Variants in C19orf44 observed in about 807,000 individuals in gnomAD.
The protein encoded by C19orf44 is chromosome 19 open reading frame 44, also known as uncharacterized protein C19orf44.
C19orf44 carries 43 observed loss-of-function variants against 50.7 expected under a neutral mutation model. The ratio of observed to expected loss-of-function variants is 0.85; its 90% CI spans 0.66 to 1.09. The LOEUF (loss-of-function observed/expected upper bound fraction) is 1.09. C19orf44 is among the 50% of genes least tolerant of loss of function. The pLI is 0.00. For synonymous variants in C19orf44, 298 were observed against 334.7 expected (o/e 0.89, Z 1.20); for missense variants, 722 against 836.2 (o/e 0.86, Z 1.68).
In C19orf44 at chr19:16,521,039, C is replaced by T. The variant is rs1356903123; in HGVS notation, c.*986C>T. The T allele has an allele frequency of 3.8e-6, 3 of 798,786 alleles. No individual in the cohort carries two copies. In the African/African-American group the frequency reaches 5.1e-5, roughly 13 times the overall value. The allele number at this position is 798,786 out of a possible 1,614,324, so 49.5% of individuals were successfully genotyped here. On this transcript the variant is annotated 3_prime_UTR_variant, in exon 9 of 9. Coordinates refer to ENST00000221671, the MANE Select transcript of C19orf44 (RefSeq NM_032207.4). ...TGGCCCTGTGGCTGTGGGCTCCGAG[C>T]ATGGGCGCAGTAGAGCTTGGTTCAG...
rs753507054 is a variant in C19orf44, at chr19:16,506,792, A to G, written c.1149+18A>G. ...AACAGGAAGTAAGTACAACAAAGTC[A>G]TTTTTCATGGTCGATTGTTTTTGGC... On this transcript the variant is annotated intron_variant, in intron 4 of 8. Transcript: ENST00000221671. 6.4e-6 allele frequency: 10 copies of G among 1,551,858 alleles called. No individual in the cohort carries two copies. The highest frequency in any genetic ancestry group is 8.8e-6 in the Non-Finnish European group (10 of 1,141,812).
At chr19:16,502,450 A>T (rs902578422) in intron 2 of C19orf44, among the ~76,000 whole-genome samples, 1 of 151,166 alleles carries the variant, frequency 6.6e-6, no homozygotes, top group African/African-American at 2.4e-5. Context: ...GTTGGCCGTG[A>T]TGGTCTCGAT....
At chr19:16,518,769 G>A (rs899424653) in intron 8 of C19orf44, 3 of 240,656 alleles carry the variant, frequency 1.2e-5, no homozygotes, top group African/African-American at 7.1e-5. Flanking sequence ...TCTGGCTCAG[G>A]CCAACCCTTC....
At position 16,521,004 on chromosome 19, in the gene C19orf44, G is replaced by T. The variant is rs2085609059; in HGVS notation, c.*951G>T. 1.8e-6 allele frequency: 2 copies of T among 1,104,318 alleles called. No individual in the cohort carries two copies. The highest frequency in any genetic ancestry group is 2.0e-4 in the Middle Eastern group (1 of 5,118). The allele number at this position is 1,104,318 out of a possible 1,614,324, so 68.4% of individuals were successfully genotyped here. On this transcript the variant is annotated 3_prime_UTR_variant, in exon 9 of 9. Transcript: ENST00000221671. The stretch of plus-strand genomic sequence containing the variant: ...ATCAGGAGTTAATCCACAGAACCTT[G>T]GAGAGTACATGGCCCTGTGGCTGTG...
Position 16,519,794 on chromosome 19 carries a change from C to T in C19orf44, c.*41-300C>T, listed in dbSNP as rs1161040434. 1.8e-5 allele frequency: 22 copies of T among 1,239,746 alleles called. No individual in the cohort carries two copies. The highest frequency in any genetic ancestry group is 1.9e-4 in the Middle Eastern group (1 of 5,348). 76.8% of individuals were successfully genotyped at this position (1,239,746 alleles called of 1,614,324 possible). ...ATGACAGTGATGAGGACCTCACAGCCGCAGCTTGCGTGCATGCTCACTGTC... is the reference window on the plus strand; with the variant it reads ...ATGACAGTGATGAGGACCTCACAGCTGCAGCTTGCGTGCATGCTCACTGTC... On this transcript the variant is annotated intron_variant, in intron 8 of 8. Transcript: ENST00000221671. This position sits in a 1 kb window ranked among gnomAD's most constrained non-coding sequence, Gnocchi z 6.0.
Position 16,500,967 on chromosome 19 carries a change from G to A in C19orf44, c.175G>A (p.Glu59Lys), listed in dbSNP as rs1454339486. 3.1e-6 allele frequency: 5 copies of A among 1,613,598 alleles called. No individual in the cohort carries two copies. Among genetic ancestry groups the A allele is most frequent in the East Asian group, 2.2e-5 (1 of 44,898 alleles). ...TCTAAAAAGAAACCAAACTCTAGATGAGAAACACTTACTCCTGAAAGAGAA... is the reference window on the plus strand; with the variant it reads ...TCTAAAAAGAAACCAAACTCTAGATAAGAAACACTTACTCCTGAAAGAGAA... ...RFLKRNQTLD[E>K]KHLLLKENPV... is the part of the protein sequence containing the mutation. The change falls in exon 2 of 9, where the codon GAG becomes AAG. Residue 59 changes from glutamate (E) to lysine (K), a missense_variant. Glu to Lys is a moderately conservative substitution (Grantham distance 56). Transcript: ENST00000221671.
intron 5 of C19orf44, 117 bp downstream of exon 5, chr19:16,510,105 A>G (rs1204057137): frequency 6.6e-7 from 1 of 1,513,596 alleles, no homozygotes; most frequent in African/African-American, 1.4e-5. Context: ...GGCTCTTGTT[A>G]TTAATCACCT....
At chr19:16,503,661 C>T (rs1355170414) in intron 3 of C19orf44, among the ~76,000 whole-genome samples, 1 of 152,282 alleles carries the variant, frequency 6.6e-6, no homozygotes, top group African/African-American at 2.4e-5. Flanking sequence ...ACCTCCCAGG[C>T]TCAAGCAATC....
Position 16,500,343 on chromosome 19 carries a change from C to A in C19orf44, c.-1-449C>A, listed in dbSNP as rs183403100. On this transcript the variant is annotated intron_variant, in intron 1 of 8. Coordinates refer to ENST00000221671, the MANE Select transcript of C19orf44 (RefSeq NM_032207.4). Reference sequence around the variant, plus strand: ...TGCTCTTTCAGGTAATTTGTCTTTTCTTTTTTCTTTTTCTTTTTTTTTTTT... The same window carrying A: ...TGCTCTTTCAGGTAATTTGTCTTTTATTTTTTCTTTTTCTTTTTTTTTTTT... Among the ~76,000 whole-genome samples the A allele has an allele frequency of 5.6e-4, 84 of 149,776 alleles. 1 individual carries two copies. The East Asian group carries it at 0.014, about 24-fold the overall frequency.
Position 16,506,688 on chromosome 19 carries a change from T to G in C19orf44, c.1076-13T>G, listed in dbSNP as rs376131904. ...AGTAAATGTAAACGCTTATACTCAT[T>G]TTTTAATTACAGAGTTTAGAATAAA... On this transcript the variant is annotated splice_polypyrimidine_tract_variant and intron_variant, in intron 3 of 8. Coordinates refer to ENST00000221671, the MANE Select transcript of C19orf44 (RefSeq NM_032207.4). 1.9e-6 allele frequency: 3 copies of G among 1,561,330 alleles called. No individual in the cohort carries two copies. The highest frequency in any genetic ancestry group is 1.4e-5 in the African/African-American group (1 of 72,610).
At position 16,509,417 on chromosome 19, in the gene C19orf44, C is replaced by T. The variant is rs1181021003; in HGVS notation, c.1150-82C>T. The T allele has an allele frequency of 1.3e-5, 19 of 1,505,518 alleles. No individual in the cohort carries two copies. The South Asian group carries it at 1.4e-4, about 11-fold the overall frequency. The allele number at this position is 1,505,518 out of a possible 1,614,324, so 93.3% of individuals were successfully genotyped here. A position where few individuals can be genotyped will look rare whatever the true frequency, so the allele number is the denominator to read the frequency against. ...TTGTCTGCGGGAGTGCTGCAGGTCC[C>T]CAGCTCCTAGGAGTGCAGTGTTCCT... On this transcript the variant is annotated intron_variant, in intron 4 of 8. Transcript: ENST00000221671.
In C19orf44 at chr19:16,519,195, G is replaced by A; in HGVS notation, c.*41-899G>A. 6.2e-7 allele frequency: 1 copy of A among 1,614,000 alleles called. No homozygotes were observed. Among genetic ancestry groups the A allele is most frequent in the Non-Finnish European group, 8.5e-7 (1 of 1,180,028 alleles). ...CGTCCCTGGCCTTCATGCGGGCGAT[G>A]AAGGAGTAGCTCTTGTTCCTGCGGT... On this transcript the variant is annotated intron_variant, in intron 8 of 8. Transcript: ENST00000221671. The surrounding 1 kb of genome is among the most constrained non-coding windows in gnomAD (Gnocchi z 6.0).
intron 3 of C19orf44, 118 bp downstream of exon 3, chr19:16,503,498 C>G (rs1188777007): frequency 4.9e-6 from 5 of 1,027,934 alleles, no homozygotes; most frequent in Non-Finnish European, 7.0e-6. Flanking sequence ...TGAGTCGCAT[C>G]TCACACTCAG....
intron 3 of C19orf44, among the ~76,000 whole-genome samples, chr19:16,506,368 TG>T (rs764319647): frequency 6.3e-4 from 96 of 152,092 alleles, no homozygotes; most frequent in Non-Finnish European, 1.0e-3. Context: ...CCGAGGCAGG[TG>T]AATCACTTGA....
chr19:16,501,011 A>AC lies in C19orf44; in HGVS notation c.222dup (p.Arg75GlnfsTer6). 1.2e-6 allele frequency: 2 copies of AC among 1,613,984 alleles called. No individual in the cohort carries two copies. Among genetic ancestry groups the AC allele is most frequent in the Non-Finnish European group, 1.7e-6 (2 of 1,179,948 alleles). On this transcript the variant is annotated frameshift_variant, in exon 2 of 9. Coordinates refer to ENST00000221671, the MANE Select transcript of C19orf44 (RefSeq NM_032207.4). LOFTEE classifies it high-confidence loss of function. ...AAGAGAACCCTGTGCTCGGGAGTGG[A>AC]CCCAGGCTTGCCTCATGTAGACCGC...
At chr19:16,516,730 G>A (rs867486985) in intron 7 of C19orf44, among the ~76,000 whole-genome samples, 3 of 152,202 alleles carry the variant, frequency 2.0e-5, no homozygotes, top group African/African-American at 7.2e-5. Flanking sequence ...GAACTGTGCC[G>A]AGTCCCCTGC....
intron 4 of C19orf44, among the ~76,000 whole-genome samples, chr19:16,508,364 A>G (rs553007408): frequency 6.3e-4 from 95 of 150,776 alleles, no homozygotes; most frequent in South Asian, 1.1e-3. Flanking sequence ...TGGCCTCTCA[A>G]AGTGCTGGGA....
In C19orf44 at chr19:16,500,892, T is replaced by G. The variant is rs2093423175; in HGVS notation, c.100T>G (p.Phe34Val). The G allele has an allele frequency of 6.2e-7, 1 of 1,613,826 alleles. No individual in the cohort carries two copies. The highest frequency in any genetic ancestry group is 8.5e-7 in the Non-Finnish European group (1 of 1,179,948). Residue 34 changes from phenylalanine to valine, a missense_variant, in exon 2 of 9, where the codon TTC becomes GTC. Transcript: ENST00000221671. ...EDSTMEEIRN[F>V]QISRNLTKIA... Reference sequence around the variant, plus strand: ...TTCAACAATGGAAGAAATCAGAAACTTCCAGATCAGTAGAAATCTTACCAA... The same window carrying G: ...TTCAACAATGGAAGAAATCAGAAACGTCCAGATCAGTAGAAATCTTACCAA...
At chr19:16,517,075 G>A (rs1312257595) in intron 7 of C19orf44, among the ~76,000 whole-genome samples, 155 bp from the exon 8 acceptor site, 4 of 152,166 alleles carry the variant, frequency 2.6e-5, no homozygotes, top group Admixed American at 6.5e-5. Context: ...AGCCCCGTGC[G>A]CCAACCTGTC....
Sources: gnomAD v4.1 joint callset for allele counts (sites outside exome capture counted in the v4.1 genomes callset) on GRCh38, gnomAD v4.1.1 for gene constraint, Gnocchi (gnomAD v3.1) non-coding constraint, MANE v1.5 for transcripts, NCBI Gene and HGNC (gene_info 2026-07-23, HGNC 2026-07-21) for gene names.